The following TNFSF4 variants were observed in gnomAD, a reference collection of about 807,000 sequenced individuals.
The protein encoded by TNFSF4 is TNF superfamily member 4.
A neutral mutation model predicts 7.3 loss-of-function variants in TNFSF4; 4 were observed. That is an observed-to-expected ratio of 0.55 (90% CI 0.27 to 1.25). The LOEUF is 1.25. Ranked by LOEUF, TNFSF4 falls within the 50% of genes most tolerant of loss-of-function variation. The pLI, the probability that TNFSF4 is intolerant of heterozygous loss-of-function variation, is 0.12. For synonymous variants in TNFSF4, 76 were observed against 83.7 expected (o/e 0.91, Z 0.50); for missense variants, 181 against 208.8 (o/e 0.87, Z 0.82).
intron 2 of TNFSF4, 57 bp downstream of exon 2, chr1:173,188,464 A>C (rs1649325603): frequency 6.7e-6 from 9 of 1,334,592 alleles, no homozygotes; most frequent in Admixed American, 3.5e-5. Flanking sequence ...AAATTAAGAG[A>C]CTGAAGAGAA....
At chr1:173,412,255 CT>C in the TNFSF4 span, among the ~76,000 whole-genome samples, 1 of 152,204 alleles carries the variant, frequency 6.6e-6, no homozygotes, top group African/African-American at 2.4e-5. Flanking sequence ...CAGACTCACC[CT>C]GTGACAGTGC....
the TNFSF4 span, among the ~76,000 whole-genome samples, chr1:173,322,157 C>T: frequency 1.6e-4 from 24 of 152,252 alleles, no homozygotes; most frequent in Middle Eastern, 6.8e-3. Context: ...GAGACCATGT[C>T]CTTTGCAGGG....
chr1:173,346,568 TGA>T, the TNFSF4 span, among the ~76,000 whole-genome samples: 7 of 151,956 alleles, frequency 4.6e-5, no homozygotes, highest in Non-Finnish European at 7.4e-5. Context: ...GTGATGAAAA[TGA>T]GAGTCTCCCT....
At chr1:173,234,425 C>T in the TNFSF4 span, among the ~76,000 whole-genome samples, 6 of 152,168 alleles carry the variant, frequency 3.9e-5, no homozygotes, top group African/African-American at 1.4e-4. Flanking sequence ...TACCATTTTA[C>T]CCAGCCATCC....
At chr1:173,375,656 C>T in the TNFSF4 span, among the ~76,000 whole-genome samples, 1 of 149,490 alleles carries the variant, frequency 6.7e-6, no homozygotes, top group African/African-American at 2.6e-5. Context: ...GTAAAATGCA[C>T]CAATCAGCCG....
the TNFSF4 span, among the ~76,000 whole-genome samples, chr1:173,382,874 T>A: frequency 1.1e-5 from 1 of 91,206 alleles, no homozygotes; most frequent in Non-Finnish European, 2.2e-5. Flanking sequence ...TTTACTGTTT[T>A]CACACACACA....
chr1:173,257,506 G>A, the TNFSF4 span, among the ~76,000 whole-genome samples: 3 of 152,168 alleles, frequency 2.0e-5, no homozygotes, highest in African/African-American at 7.2e-5. Flanking sequence ...CTGACCAACG[G>A]GTTACAAATT....
chr1:173,174,755 C>G, the TNFSF4 span, among the ~76,000 whole-genome samples: 2 of 152,140 alleles, frequency 1.3e-5, no homozygotes, highest in African/African-American at 4.8e-5. Context: ...GGACACAGAG[C>G]CAAACCATAT....
chr1:173,370,354 C>T, the TNFSF4 span, among the ~76,000 whole-genome samples: 10 of 152,210 alleles, frequency 6.6e-5, no homozygotes, highest in Admixed American at 1.3e-4. Context: ...GGGGAGAATT[C>T]TCTGTTGTTC....
the TNFSF4 span, among the ~76,000 whole-genome samples, chr1:173,428,505 T>C: frequency 6.6e-6 from 1 of 152,228 alleles, no homozygotes; most frequent in South Asian, 2.1e-4. Context: ...GAACCAACTA[T>C]AATATGTGCA....
chr1:173,367,528 G>A, the TNFSF4 span, among the ~76,000 whole-genome samples: 14 of 152,172 alleles, frequency 9.2e-5, no homozygotes, highest in African/African-American at 2.9e-4. Flanking sequence ...CCTACCAACA[G>A]AAAGGACTTT....
chr1:173,217,926 C>A, the TNFSF4 span, among the ~76,000 whole-genome samples: 1 of 151,856 alleles, frequency 6.6e-6, no homozygotes, highest in Non-Finnish European at 1.5e-5. Flanking sequence ...TTTTTTTATT[C>A]TTTGTAGGGA....
At chr1:173,357,952 A>G in the TNFSF4 span, among the ~76,000 whole-genome samples, 1 of 152,250 alleles carries the variant, frequency 6.6e-6, no homozygotes, top group Non-Finnish European at 1.5e-5. Flanking sequence ...AGGGTCTCCA[A>G]AAGATGTTCA....
chr1:173,327,115 T>C, the TNFSF4 span, among the ~76,000 whole-genome samples: 6,766 of 152,222 alleles, frequency 0.044, 452 homozygotes, highest in African/African-American at 0.15. Context: ...GACTTCAAAC[T>C]ATACTACAAG....
the TNFSF4 span, among the ~76,000 whole-genome samples, chr1:173,314,661 CA>C: frequency 1.3e-5 from 2 of 152,092 alleles, no homozygotes; most frequent in Admixed American, 1.3e-4. Flanking sequence ...AGGCAAAAGA[CA>C]GAGATGCAGC....
the TNFSF4 span, among the ~76,000 whole-genome samples, chr1:173,354,100 C>T: frequency 1.3e-5 from 2 of 151,368 alleles, no homozygotes; most frequent in Non-Finnish European, 2.9e-5. Flanking sequence ...ACTAGCTAGA[C>T]TAATAAAGTA....
chr1:173,200,419 C>T (rs143659979), intron 1 of TNFSF4, among the ~76,000 whole-genome samples: 11 of 152,300 alleles, frequency 7.2e-5, no homozygotes, highest in South Asian at 4.1e-4. Flanking sequence ...TAATACCATT[C>T]AACCTCCCTG....
At chr1:173,190,150 C>T (rs1030334181) in intron 1 of TNFSF4, among the ~76,000 whole-genome samples, 11 of 151,956 alleles carry the variant, frequency 7.2e-5, no homozygotes, top group Admixed American at 2.0e-4. Flanking sequence ...TGGGAGGGGG[C>T]CAAGATCGCC....
At chr1:173,383,524 G>T in the TNFSF4 span, among the ~76,000 whole-genome samples, 4 of 152,324 alleles carry the variant, frequency 2.6e-5, no homozygotes, top group East Asian at 5.8e-4. Flanking sequence ...ACATATTGAA[G>T]ATTACCTCAT....
Sources: gnomAD v4.1 joint callset for allele counts (sites outside exome capture counted in the v4.1 genomes callset) on GRCh38, gnomAD v4.1.1 for gene constraint, MANE v1.5 for transcripts, NCBI Gene and HGNC (gene_info 2026-07-23, HGNC 2026-07-21) for gene names.